The following CEMIP variants were observed in gnomAD, a reference collection of about 807,000 sequenced individuals.
The protein encoded by CEMIP is cell migration inducing hyaluronidase 1, also known as cell migration-inducing and hyaluronan-binding protein.
CEMIP carries 105 observed loss-of-function variants against 156.9 expected under a neutral mutation model. That is an observed-to-expected ratio of 0.67 (90% confidence interval 0.57 to 0.79). CEMIP has a LOEUF of 0.79. Among genes scored for constraint, CEMIP ranks in the 30% least tolerant of loss-of-function variants. CEMIP has a pLI of 0.00. For missense variants in CEMIP, 1,457 were observed against 1,769.4 expected (o/e 0.82, Z 3.17); for synonymous variants, 676 against 668.4 (o/e 1.01, Z -0.17).
chr15:80,891,912 CA>C (rs1199278825), intron 10 of CEMIP, among the ~76,000 whole-genome samples: 4 of 152,224 alleles, frequency 2.6e-5, no homozygotes, highest in African/African-American at 9.7e-5. Context: ...CCTATGCTCA[CA>C]AGAGGTGAGA....
chr15:80,884,442 C>T (rs1249805157), intron 7 of CEMIP, 88 bp downstream of exon 7: 24 of 1,350,946 alleles, frequency 1.8e-5, no homozygotes, highest in Middle Eastern at 4.8e-4. Flanking sequence ...CATCTCCTCT[C>T]CCCACAGCCG....
intron 5 of CEMIP, 122 bp from the exon 6 acceptor site, chr15:80,880,778 G>A: frequency 8.6e-6 from 7 of 812,570 alleles, no homozygotes; most frequent in Non-Finnish European, 1.3e-5. Flanking sequence ...AAGTGTGACT[G>A]GCTCTATGGT....
chr15:80,914,451 G>A (rs1215625845), intron 14 of CEMIP, among the ~76,000 whole-genome samples: 5 of 152,178 alleles, frequency 3.3e-5, no homozygotes, highest in Non-Finnish European at 1.5e-5. Flanking sequence ...TGCCACATGT[G>A]GCCCTGCAGG....
chr15:80,844,754 G>A (rs1897512465), intron 1 of CEMIP, among the ~76,000 whole-genome samples: 1 of 152,188 alleles, frequency 6.6e-6, no homozygotes, highest in Non-Finnish European at 1.5e-5. Context: ...GATATCAGAG[G>A]TGCTGAAAAC....
chr15:80,781,124 CA>C (rs1172572996), intron 1 of CEMIP, among the ~76,000 whole-genome samples: 1 of 152,174 alleles, frequency 6.6e-6, no homozygotes, highest in Non-Finnish European at 1.5e-5. Context: ...ATGCCAGATA[CA>C]ATTACGCCAG....
intron 17 of CEMIP, among the ~76,000 whole-genome samples, chr15:80,923,289 G>C (rs1005895988): frequency 2.0e-5 from 3 of 152,174 alleles, no homozygotes; most frequent in Non-Finnish European, 4.4e-5. Context: ...GGGTAACAGA[G>C]AGGGCATTTC....
chr15:80,818,703 G>A lies in CEMIP; in HGVS notation c.-176+39089G>A, dbSNP rs753310832. Reference sequence around the variant, plus strand: ...AGACAGACTGGAGAAGTCTCACCTCGTGCCAACTCCCACTGATTGTTGGTG... The same window carrying A: ...AGACAGACTGGAGAAGTCTCACCTCATGCCAACTCCCACTGATTGTTGGTG... On this transcript the variant is annotated intron_variant, in intron 1 of 29. Transcript: ENST00000394685. 7.2e-5 allele frequency among the ~76,000 whole-genome samples: 11 copies of A among 152,282 alleles called. No individual in the cohort carries two copies. The Middle Eastern group carries it at 0.024, about 330-fold the overall frequency.
At chr15:80,909,350 G>C (rs1485925554) in intron 14 of CEMIP, 44 bp downstream of exon 14, 1 of 1,593,414 alleles carries the variant, frequency 6.3e-7, no homozygotes. Context: ...ATGGGCCATG[G>C]ATGGTTAGCA....
At chr15:80,789,618 T>G (rs560570795) in intron 1 of CEMIP, among the ~76,000 whole-genome samples, 2 of 152,272 alleles carry the variant, frequency 1.3e-5, no homozygotes, top group African/African-American at 2.4e-5. Flanking sequence ...GTCTGTTTAG[T>G]TGGTAGCTTT....
At chr15:80,862,854 C>T (rs940852929) in intron 1 of CEMIP, among the ~76,000 whole-genome samples, 1 of 152,244 alleles carries the variant, frequency 6.6e-6, no homozygotes, top group African/African-American at 2.4e-5. Flanking sequence ...TGCAAGAGGC[C>T]TGTCCTATGG....
At chr15:80,796,961 G>A (rs985177330) in intron 1 of CEMIP, among the ~76,000 whole-genome samples, 3 of 152,178 alleles carry the variant, frequency 2.0e-5, no homozygotes, top group Non-Finnish European at 4.4e-5. Context: ...TTTAGGCAAA[G>A]GGCAATCAGA....
chr15:80,919,953 A>G, intron 14 of CEMIP, 141 bp from the exon 15 acceptor site: 1 of 815,584 alleles, frequency 1.2e-6, no homozygotes, highest in East Asian at 2.6e-5. Flanking sequence ...TTGTTGAATG[A>G]ATGAATGAGC....
intron 6 of CEMIP, among the ~76,000 whole-genome samples, chr15:80,882,357 C>T (rs576294954): frequency 6.6e-6 from 1 of 152,238 alleles, no homozygotes; most frequent in Admixed American, 6.5e-5. Context: ...CTGAGGCTCA[C>T]AGGGCTAAAT....
At chr15:80,923,262 AGAG>A (rs1259847986) in intron 17 of CEMIP, among the ~76,000 whole-genome samples, 1 of 152,144 alleles carries the variant, frequency 6.6e-6, no homozygotes, top group African/African-American at 2.4e-5. Flanking sequence ...TCATCTTGAC[AGAG>A]GAGAATTAGT....
intron 1 of CEMIP, among the ~76,000 whole-genome samples, chr15:80,848,827 C>A (rs903789701): frequency 9.2e-5 from 14 of 151,734 alleles, no homozygotes; most frequent in African/African-American, 1.9e-4. Flanking sequence ...CCAGATGAAT[C>A]TTTTCTGCAC....
At chr15:80,900,312 G>C (rs1037779805) in intron 12 of CEMIP, among the ~76,000 whole-genome samples, 2 of 114,374 alleles carry the variant, frequency 1.7e-5, no homozygotes, top group African/African-American at 6.0e-5. Flanking sequence ...GTCCCTGAAG[G>C]CTGGACAGAA....
intron 17 of CEMIP, 41 bp from the exon 18 acceptor site, chr15:80,924,580 C>T (rs766684771): frequency 2.6e-6 from 4 of 1,565,632 alleles, no homozygotes; most frequent in Non-Finnish European, 3.5e-6. Flanking sequence ...CTGTAGCCCA[C>T]AGTAGAAACT....
intron 1 of CEMIP, among the ~76,000 whole-genome samples, chr15:80,863,224 G>C (rs138621588): frequency 1.2e-3 from 176 of 152,312 alleles, no homozygotes; most frequent in African/African-American, 4.1e-3. Context: ...TAAAAAATCT[G>C]CTTATTTTAA....
intron 25 of CEMIP, among the ~76,000 whole-genome samples, chr15:80,941,141 G>A (rs1009954804): frequency 2.0e-5 from 3 of 152,098 alleles, no homozygotes; most frequent in African/African-American, 7.2e-5. Context: ...TAGTCTGACT[G>A]GACTCAGTGA....
Sources: allele counts gnomAD v4.1 joint callset (sites outside exome capture counted in the v4.1 genomes callset), GRCh38; gene constraint gnomAD v4.1.1; transcripts MANE v1.5; gene names NCBI Gene and HGNC (gene_info 2026-07-23, HGNC 2026-07-21).